The following ZNF704 variants were observed in gnomAD, a reference collection of about 807,000 sequenced individuals.
ZNF704 encodes zinc finger protein 704, also known as glucocorticoid induced gene 1.
Under a neutral mutation model 44.7 loss-of-function variants are expected in ZNF704, and 10 were observed. The ratio of observed to expected loss-of-function variants is 0.22; its 90% CI spans 0.14 to 0.38. The LOEUF is 0.38. ZNF704 is among the 10% of genes least tolerant of loss of function. The pLI is 1.00. For missense variants in ZNF704, 390 were observed against 545.5 expected, an observed-to-expected ratio of 0.71 and a Z score of 2.84; for synonymous variants, 211 against 207.6, an observed-to-expected ratio of 1.02 and a Z score of -0.14.
Position 80,687,459 on chromosome 8 carries a change from C to G in ZNF704, c.326-1G>C. 1 of 1,543,564 alleles carries G rather than the reference C, an allele frequency of 6.5e-7. No homozygotes were observed. Among genetic ancestry groups the G allele is most frequent in the Non-Finnish European group, 8.7e-7 (1 of 1,145,886 alleles). On this transcript the variant is annotated splice_acceptor_variant, in intron 3 of 8. Coordinates refer to ENST00000327835, the MANE Select transcript of ZNF704 (RefSeq NM_001033723.3). LOFTEE classifies it high-confidence loss of function. ...TCCTTCCAGGATCCGCTGAGGCTCTCTGCATGCACACAAACACAGTCAGTG... is the reference window on the plus strand; with the variant it reads ...TCCTTCCAGGATCCGCTGAGGCTCTGTGCATGCACACAAACACAGTCAGTG...
intron 2 of ZNF704, among the ~76,000 whole-genome samples, chr8:80,817,626 AACTT>A (rs2129865282): frequency 6.6e-6 from 1 of 152,304 alleles, no homozygotes; most frequent in East Asian, 1.9e-4. Flanking sequence ...CTGGATTAAT[AACTT>A]ACTTAAATTT....
chr8:80,842,448 G>A (rs879470218), intron 1 of ZNF704, among the ~76,000 whole-genome samples: 1 of 152,188 alleles, frequency 6.6e-6, no homozygotes, highest in Admixed American at 6.5e-5. Context: ...AAGCATTCTA[G>A]CAATCTGACA....
At chr8:80,682,651 G>A (rs1193956482) in intron 4 of ZNF704, among the ~76,000 whole-genome samples, 1 of 152,186 alleles carries the variant, frequency 6.6e-6, no homozygotes, top group Non-Finnish European at 1.5e-5. Flanking sequence ...TCAGGGTGGA[G>A]GGTGGAGGCA....
rs1328766521 is a variant in ZNF704 at position 80,629,045 on chromosome 8, CA to C, written c.*12320del. 2 of 145,180 alleles carry C rather than the reference CA, an allele frequency of 1.4e-5. No individual in the cohort carries two copies. The highest frequency in any genetic ancestry group is 1.9e-4 in the East Asian group (1 of 5,186). The allele number at this position is 145,180 out of a possible 1,614,324, so 9.0% of individuals were successfully genotyped here. A position where few individuals can be genotyped will look rare whatever the true frequency, so the allele number is the denominator to read the frequency against. On this transcript the variant is annotated 3_prime_UTR_variant, in exon 9 of 9. Coordinates refer to ENST00000327835, the MANE Select transcript of ZNF704 (RefSeq NM_001033723.3). ...TTCCTGGTGTTAAATATTTAGGAAA[CA>C]TTTTTTTTTTTAAAAAACGAACACA...
chr8:80,631,998 A>G lies in ZNF704; in HGVS notation c.*9368T>C, dbSNP rs574147884. On this transcript the variant is annotated 3_prime_UTR_variant, in exon 9 of 9. Transcript: ENST00000327835. ...GGCAGATGAGGGCAAAGGGGAGGGT[A>G]ATCTTTCAATGGCAAATTCACTGGG... 6.6e-6 allele frequency: 1 copy of G among 152,226 alleles called. No homozygotes were observed. Among genetic ancestry groups the G allele is most frequent in the African/African-American group, 2.4e-5 (1 of 41,454 alleles). 9.4% of individuals were successfully genotyped at this position (152,226 alleles called of 1,614,324 possible).
chr8:80,877,706 T>C (rs950579386), upstream of ZNF704, among the ~76,000 whole-genome samples: 3 of 152,202 alleles, frequency 2.0e-5, no homozygotes, highest in African/African-American at 7.2e-5. Flanking sequence ...CATGGATTTG[T>C]TGAGTCCTGA....
chr8:80,723,336 AAGTAT>A (rs920314983), intron 2 of ZNF704, among the ~76,000 whole-genome samples: 1 of 152,222 alleles, frequency 6.6e-6, no homozygotes, highest in Non-Finnish European at 1.5e-5. Flanking sequence ...TAGTAACTGT[AAGTAT>A]AACTCATACC....
intron 2 of ZNF704, among the ~76,000 whole-genome samples, chr8:80,714,880 C>G (rs1819048236): frequency 6.6e-6 from 1 of 152,158 alleles, no homozygotes; most frequent in Non-Finnish European, 1.5e-5. Flanking sequence ...TCTATCACCA[C>G]TAGTCTTTCT....
chr8:80,746,322 G>T (rs1016060212), intron 2 of ZNF704, among the ~76,000 whole-genome samples: 2 of 152,196 alleles, frequency 1.3e-5, no homozygotes, highest in South Asian at 4.2e-4. Flanking sequence ...ATATATTTTT[G>T]GATGTAATAT....
chr8:80,707,081 T>C (rs1818910574), intron 2 of ZNF704, among the ~76,000 whole-genome samples: 2 of 152,252 alleles, frequency 1.3e-5, no homozygotes, highest in Admixed American at 1.3e-4. Flanking sequence ...TGTGGGTTGA[T>C]GTCACTCCCC....
At chr8:80,776,647 C>T (rs1807414904) in intron 2 of ZNF704, 1 of 152,062 alleles carries the variant, frequency 6.6e-6, no homozygotes, top group Non-Finnish European at 1.5e-5. Flanking sequence ...TGATTCTTTT[C>T]TTTTTCTGAT....
chr8:80,821,466 G>C lies in ZNF704; in HGVS notation c.129C>G (p.Ile43Met), dbSNP rs1182176086. ...KTADTKKASR[I>M]LDHEKENTRS... Reference sequence around the variant, plus strand: ...GAGTGTTTTCTTTTTCATGGTCAAGGATCCGGCTGGCTTTTTTGGTGTCTG... The same window carrying C: ...GAGTGTTTTCTTTTTCATGGTCAAGCATCCGGCTGGCTTTTTTGGTGTCTG... Residue 43 changes from isoleucine (I) to methionine (M), a missense_variant, in exon 2 of 9, where the codon ATC becomes ATG. This residue lies in a region of ZNF704 where 80 missense variants were observed against 83.7 expected (regional missense o/e 0.96). Transcript: ENST00000327835. The C allele has an allele frequency of 2.5e-6, 4 of 1,614,010 alleles. No homozygotes were observed. The African/African-American group carries it at 4.0e-5, about 16-fold the overall frequency.
At chr8:80,829,395 G>GA (rs757827331) in intron 1 of ZNF704, among the ~76,000 whole-genome samples, 1 of 152,074 alleles carries the variant, frequency 6.6e-6, no homozygotes, top group Non-Finnish European at 1.5e-5. Context: ...GATAAAAAAA[G>GA]AAAACAAAGG....
At chr8:80,779,905 A>T (rs945773364) in intron 2 of ZNF704, among the ~76,000 whole-genome samples, 26 of 149,932 alleles carry the variant, frequency 1.7e-4, no homozygotes, top group Non-Finnish European at 4.4e-5. Context: ...TAAATATAAT[A>T]ATAATATTAA....
chr8:80,855,805 T>C (rs1179203497), intron 1 of ZNF704, among the ~76,000 whole-genome samples: 2 of 152,108 alleles, frequency 1.3e-5, no homozygotes, highest in African/African-American at 2.4e-5. Context: ...ATAATGATCA[T>C]AGCAGAGAAG....
At chr8:80,795,205 T>C (rs1807777988) in intron 2 of ZNF704, among the ~76,000 whole-genome samples, 1 of 152,174 alleles carries the variant, frequency 6.6e-6, no homozygotes, top group Non-Finnish European at 1.5e-5. Flanking sequence ...ACAATGCAAA[T>C]GAATGACCTT....
chr8:80,724,591 C>T (rs889000222), intron 2 of ZNF704, among the ~76,000 whole-genome samples: 1 of 152,176 alleles, frequency 6.6e-6, no homozygotes, highest in African/African-American at 2.4e-5. Context: ...CTCCTGCCTG[C>T]CATTAATGAA....
At chr8:80,876,785 T>C (rs1236440452), upstream of ZNF704, among the ~76,000 whole-genome samples, 1 of 152,144 alleles carries the variant, frequency 6.6e-6, no homozygotes, top group Non-Finnish European at 1.5e-5. Context: ...ATTGTAATGG[T>C]AGGTAAACAA....
intron 1 of ZNF704, among the ~76,000 whole-genome samples, chr8:80,843,971 GTA>G (rs143495397): frequency 0.16 from 23,096 of 142,956 alleles, 2,121 homozygotes; most frequent in African/African-American, 0.27. Flanking sequence ...ATATATATGT[GTA>G]TATATATATA....
Sources: gnomAD v4.1 joint callset for allele counts (sites outside exome capture counted in the v4.1 genomes callset) on GRCh38, gnomAD v4.1.1 for gene constraint, gnomAD v4.1.1 regional missense constraint, MANE v1.5 for transcripts, NCBI Gene and HGNC (gene_info 2026-07-23, HGNC 2026-07-21) for gene names.